FTO: variants seen among roughly 807,000 people sequenced by gnomAD.
The protein encoded by FTO is alpha-ketoglutarate-dependent dioxygenase FTO.
FTO carries 47 observed loss-of-function variants against 63.9 expected under a neutral mutation model. That is an observed-to-expected ratio of 0.74 (90% CI 0.58 to 0.94). The LOEUF (loss-of-function observed/expected upper bound fraction) is 0.94, where lower values mean the gene tolerates loss of function less well. FTO is among the 40% of genes least tolerant of loss of function. The probability of loss-of-function intolerance (pLI) is 0.00; values close to 1 mark genes in which losing one functional copy is unlikely to be tolerated. For missense variants in FTO, 562 were observed against 618.1 expected (o/e 0.91, Z 0.96); for synonymous variants, 207 against 224.4 (o/e 0.92, Z 0.69).
chr16:54,097,794 A>G (rs1348372609), intron 8 of FTO, among the ~76,000 whole-genome samples: 3 of 152,178 alleles, frequency 2.0e-5, no homozygotes, highest in Admixed American at 2.0e-4. Flanking sequence ...GAAAAATAGG[A>G]CAGTGAAGGA....
At chr16:53,954,953 A>G (rs2082892126) in intron 8 of FTO, among the ~76,000 whole-genome samples, 1 of 152,112 alleles carries the variant, frequency 6.6e-6, no homozygotes, top group South Asian at 2.1e-4. Flanking sequence ...ATTCATTCCC[A>G]ACTCTTTGGT....
chr16:53,893,324 C>T (rs1343486157), intron 7 of FTO, among the ~76,000 whole-genome samples: 1 of 151,840 alleles, frequency 6.6e-6, no homozygotes, highest in African/African-American at 2.4e-5. Flanking sequence ...CACTTCCTAC[C>T]CCCACCGCCC....
chr16:53,707,651 T>C (rs1304009701), intron 1 of FTO, among the ~76,000 whole-genome samples: 2 of 152,230 alleles, frequency 1.3e-5, no homozygotes, highest in African/African-American at 4.8e-5. Context: ...TGTGCAGTGA[T>C]ATTTGATTTT....
intron 6 of FTO, among the ~76,000 whole-genome samples, chr16:53,888,470 G>A (rs2081066218): frequency 3.9e-5 from 4 of 101,454 alleles, no homozygotes; most frequent in Admixed American, 3.5e-4. Flanking sequence ...TGTTTTATTA[G>A]TAGCTTGGCC....
At chr16:54,089,872 AAAAG>A (rs2086339859) in intron 8 of FTO, among the ~76,000 whole-genome samples, 2 of 152,236 alleles carry the variant, frequency 1.3e-5, no homozygotes, top group Admixed American at 1.3e-4. Context: ...TAAAAAAAAA[AAAAG>A]AAAAGAAAAT....
At chr16:53,818,808 T>C (rs1295148283) in intron 2 of FTO, among the ~76,000 whole-genome samples, 1 of 152,200 alleles carries the variant, frequency 6.6e-6, no homozygotes, top group Non-Finnish European at 1.5e-5. Context: ...TTCCATCACG[T>C]GGTTGTACCA....
chr16:53,955,831 G>C (rs2082916235), intron 8 of FTO, among the ~76,000 whole-genome samples: 1 of 152,108 alleles, frequency 6.6e-6, no homozygotes, highest in Admixed American at 6.5e-5. Flanking sequence ...GAGAGAAAGA[G>C]GGCATCAAAA....
rs547679855 is a variant in FTO at position 54,019,119 on chromosome 16, T to A, written c.1364+85010T>A. On this transcript the variant is annotated intron_variant, in intron 8 of 8. Transcript: ENST00000471389. ...AGTAGCTCCAGGCACCACATCCAGA[T>A]GTAGAAACAACAGAGATAGAAGGAA... 2.6e-5 allele frequency among the ~76,000 whole-genome samples: 4 copies of A among 152,280 alleles called. No individual in the cohort carries two copies. The East Asian group carries it at 7.7e-4, about 29-fold the overall frequency.
chr16:53,947,227 A>C (rs1374584023), intron 8 of FTO, among the ~76,000 whole-genome samples: 2 of 152,180 alleles, frequency 1.3e-5, no homozygotes, highest in Non-Finnish European at 2.9e-5. Context: ...GCCCTGTCAG[A>C]CAAGTACCTT....
At chr16:53,842,630 G>A (rs7203883) in intron 3 of FTO, among the ~76,000 whole-genome samples, 70,810 of 151,600 alleles carry the variant, frequency 0.47, 17,035 homozygotes, top group Middle Eastern at 0.56. Flanking sequence ...AGAAAAATCA[G>A]TCTTGAGTAT....
At chr16:53,928,831 T>C (rs2082211208) in intron 7 of FTO, among the ~76,000 whole-genome samples, 2 of 152,076 alleles carry the variant, frequency 1.3e-5, no homozygotes. Context: ...AGGTTTTTTA[T>C]GGTTTTTATT....
chr16:53,819,079 A>G (rs2078776716), intron 2 of FTO, among the ~76,000 whole-genome samples: 1 of 152,240 alleles, frequency 6.6e-6, no homozygotes, highest in Non-Finnish European at 1.5e-5. Context: ...TGCCATTATC[A>G]ACAATATGTA....
At chr16:53,964,440 A>ATTGTAT (rs2083151652) in intron 8 of FTO, among the ~76,000 whole-genome samples, 1 of 152,170 alleles carries the variant, frequency 6.6e-6, no homozygotes, top group Admixed American at 6.5e-5. Flanking sequence ...CACAACCAAT[A>ATTGTAT]TGTTGTATTC....
chr16:53,740,263 C>A (rs1255679834), intron 1 of FTO, among the ~76,000 whole-genome samples: 2 of 152,110 alleles, frequency 1.3e-5, no homozygotes, highest in Non-Finnish European at 2.9e-5. Context: ...GTGTAGTTAC[C>A]TGGGTAGGTG....
chr16:53,810,068 T>C, intron 1 of FTO, 72 bp from the exon 2 acceptor site: 1 of 1,029,002 alleles, frequency 9.7e-7, no homozygotes, highest in East Asian at 2.4e-5. Flanking sequence ...ATTCTCTTAT[T>C]GGAAAAATAA....
chr16:53,987,046 C>T (rs1304603727), intron 8 of FTO, among the ~76,000 whole-genome samples: 1 of 152,032 alleles, frequency 6.6e-6, no homozygotes, highest in African/African-American at 2.4e-5. Flanking sequence ...ATGTAAACTT[C>T]TATTAAAGCC....
intron 2 of FTO, among the ~76,000 whole-genome samples, chr16:53,811,698 A>T (rs948384414): frequency 1.9e-4 from 29 of 152,046 alleles, no homozygotes; most frequent in Admixed American, 1.0e-3. Context: ...CCCTGCTCTT[A>T]CACCTTTTAT....
chr16:54,018,436 A>G (rs62034068), intron 8 of FTO, among the ~76,000 whole-genome samples: 2 of 152,010 alleles, frequency 1.3e-5, no homozygotes, highest in Non-Finnish European at 2.9e-5. Flanking sequence ...ATACATACAT[A>G]CATACATACA....
At chr16:53,860,860 G>T (rs752846395) in intron 4 of FTO, among the ~76,000 whole-genome samples, 1 of 149,006 alleles carries the variant, frequency 6.7e-6, no homozygotes, top group African/African-American at 2.5e-5. Context: ...TTAGCTAAGA[G>T]AGTAGATCTT....
Sources: allele counts gnomAD v4.1 joint callset (sites outside exome capture counted in the v4.1 genomes callset), GRCh38; gene constraint gnomAD v4.1.1; transcripts MANE v1.5; gene names NCBI Gene and HGNC (gene_info 2026-07-23, HGNC 2026-07-21).